PRR27: variants seen among roughly 807,000 people sequenced by gnomAD.
PRR27 encodes the protein proline rich 27, also known as proline-rich protein 27.
In PRR27, 12 loss-of-function variants were observed where a neutral mutation model predicts 16.8. That is an observed-to-expected ratio of 0.71 (90% CI 0.46 to 1.16). The LOEUF (loss-of-function observed/expected upper bound fraction) is 1.16, where lower values mean the gene tolerates loss of function less well. Ranked by LOEUF, PRR27 falls within the 50% of genes most tolerant of loss-of-function variation. The pLI, the probability that PRR27 is intolerant of heterozygous loss-of-function variation, is 0.00. For synonymous variants in PRR27, 100 were observed against 98.4 expected, an observed-to-expected ratio of 1.02 and a Z score of -0.10; for missense variants, 277 against 273.3, an observed-to-expected ratio of 1.01 and a Z score of -0.10.
At chr4:70,160,262 T>C (rs1431688869) in intron 3 of PRR27, among the ~76,000 whole-genome samples, 2 of 152,122 alleles carry the variant, frequency 1.3e-5, no homozygotes, top group Admixed American at 1.3e-4. Flanking sequence ...AATGCTTAGC[T>C]CCCATTTATA....
At position 70,155,910 on chromosome 4, in the gene PRR27, A is replaced by C. The variant is rs1481864384; in HGVS notation, c.52-144A>C. 3 of 581,906 alleles carry C rather than the reference A, an allele frequency of 5.2e-6. No homozygotes were observed. The African/African-American group carries it at 6.0e-5, about 12-fold the overall frequency. The allele number at this position is 581,906 out of a possible 1,614,324, so 36.0% of individuals were successfully genotyped here. Reference sequence around the variant, plus strand: ...AATGATAATGATGACGATGATAAAAAAAAATTCATATTAGTTACTCAAATT... The same window carrying C: ...AATGATAATGATGACGATGATAAAACAAAATTCATATTAGTTACTCAAATT... On this transcript the variant is annotated intron_variant, in intron 1 of 4. Transcript: ENST00000344526.
Position 70,163,178 on chromosome 4 carries a change from C to T in PRR27, c.*517C>T, listed in dbSNP as rs1171784838. On this transcript the variant is annotated 3_prime_UTR_variant, in exon 5 of 5. Coordinates refer to ENST00000344526, the MANE Select transcript of PRR27 (RefSeq NM_214711.4). The stretch of plus-strand genomic sequence containing the variant: ...TTCATTTCTCTTTTATGCCAGCACA[C>T]AATCAATTCATCACCAATTGTCATT... 1 of 152,166 alleles carries T rather than the reference C, an allele frequency of 6.6e-6. No individual in the cohort carries two copies. The highest frequency in any genetic ancestry group is 6.6e-5 in the Admixed American group (1 of 15,266). 9.4% of individuals were successfully genotyped at this position (152,166 alleles called of 1,614,324 possible). A position where few individuals can be genotyped will look rare whatever the true frequency, so the allele number is the denominator to read the frequency against.
rs1728730010 is a variant in PRR27 at position 70,164,800 on chromosome 4, G to A, written c.*2139G>A. On this transcript the variant is annotated 3_prime_UTR_variant, in exon 5 of 5. Transcript: ENST00000344526. Reference sequence around the variant, plus strand: ...TACAAAGTCTTAGCAAATTATAATTGCTAATGGTACATTATGTGGTGTTTA... The same window carrying A: ...TACAAAGTCTTAGCAAATTATAATTACTAATGGTACATTATGTGGTGTTTA... The A allele has an allele frequency of 6.6e-6, 1 of 152,080 alleles. No individual in the cohort carries two copies. Among genetic ancestry groups the A allele is most frequent in the African/African-American group, 2.4e-5 (1 of 41,430 alleles). 9.4% of individuals were successfully genotyped at this position (152,080 alleles called of 1,614,324 possible).
Position 70,156,983 on chromosome 4 carries a change from T to C in PRR27, c.75+906T>C, listed in dbSNP as rs562864584. ...GTATACATGTGCCATGTTGGTGTGCTGCACCCATTAACTCGTCTAATGAGT... is the reference window on the plus strand; with the variant it reads ...GTATACATGTGCCATGTTGGTGTGCCGCACCCATTAACTCGTCTAATGAGT... On this transcript the variant is annotated intron_variant, in intron 2 of 4. Transcript: ENST00000344526. Among the ~76,000 whole-genome samples the C allele has an allele frequency of 6.7e-4, 102 of 152,298 alleles. 1 individual carries two copies. The highest frequency in any genetic ancestry group is 2.3e-3 in the African/African-American group (96 of 41,550).
chr4:70,156,059 G>T lies in PRR27; in HGVS notation c.57G>T (p.Arg19=), dbSNP rs200624625. 1.4e-6 allele frequency: 2 copies of T among 1,434,730 alleles called. No individual in the cohort carries two copies. The highest frequency in any genetic ancestry group is 3.0e-5 in the African/African-American group (2 of 66,506). 88.9% of individuals were successfully genotyped at this position (1,434,730 alleles called of 1,614,324 possible). Residue 19 remains arginine, a synonymous_variant, in exon 2 of 5, where the codon CGG becomes CGT. Transcript: ENST00000344526. Reference sequence around the variant, plus strand: ...TATATTTTTCTTTATTTTAGAGACGGTTCCCCTTCATTGGTGAGGTAAAAC... The same window carrying T: ...TATATTTTTCTTTATTTTAGAGACGTTTCCCCTTCATTGGTGAGGTAAAAC... The part of the protein sequence containing the change: ...IVCVAFARKR[R]FPFIGEDDND...
intron 1 of PRR27, among the ~76,000 whole-genome samples, chr4:70,155,692 T>TGC (rs1172967418): frequency 1.2e-5 from 1 of 85,450 alleles, no homozygotes; most frequent in Non-Finnish European, 3.2e-5. Context: ...AACACACAGA[T>TGC]GCACACACAC....
At chr4:70,162,666 A>G (rs948371841) in intron 4 of PRR27, 29 bp from the exon 5 acceptor site, 2 of 152,204 alleles carry the variant, frequency 1.3e-5, no homozygotes, top group Admixed American at 1.3e-4. Context: ...ATTTTATTAT[A>G]CTGAACCAAT....
Position 70,154,445 on chromosome 4 carries a change from A to G in PRR27, c.51+19A>G. The G allele has an allele frequency of 6.3e-7, 1 of 1,590,422 alleles. No homozygotes were observed. Among genetic ancestry groups the G allele is most frequent in the Non-Finnish European group, 8.6e-7 (1 of 1,158,678 alleles). ...AAGGAAGGTAAGTAAATGGACTTCC[A>G]AAATTGTAACAATTGTATAACCATT... is the stretch of plus-strand genomic sequence containing the variant. On this transcript the variant is annotated intron_variant, in intron 1 of 4. Coordinates refer to ENST00000344526, the MANE Select transcript of PRR27 (RefSeq NM_214711.4).
Position 70,162,910 on chromosome 4 carries a change from A to G in PRR27, c.*249A>G, listed in dbSNP as rs1014448543. 3 of 152,220 alleles carry G rather than the reference A, an allele frequency of 2.0e-5. No individual in the cohort carries two copies. Among genetic ancestry groups the G allele is most frequent in the African/African-American group, 7.2e-5 (3 of 41,456 alleles). 9.4% of individuals were successfully genotyped at this position (152,220 alleles called of 1,614,324 possible). On this transcript the variant is annotated 3_prime_UTR_variant, in exon 5 of 5. Transcript: ENST00000344526. ...ATAAGGTCTGGATGAAAACTACGCT[A>G]TGGAGGACTGAAATGGCAATCATTC...
Position 70,158,647 on chromosome 4 carries a change from A to G in PRR27, c.395A>G (p.Glu132Gly), listed in dbSNP as rs779506091. 1.2e-6 allele frequency: 2 copies of G among 1,613,874 alleles called. No individual in the cohort carries two copies. Among genetic ancestry groups the G allele is most frequent in the South Asian group, 1.1e-5 (1 of 91,072 alleles). The change falls in exon 3 of 5, where the codon GAG becomes GGG. Residue 132 changes from glutamate to glycine, a missense_variant. Transcript: ENST00000344526. ...AAPAAPPIAA[E>G]PAAAAPLTAT... is the part of the protein sequence containing the mutation. ...CCCGCTGCCCCACCTATTGCAGCTG[A>G]GCCTGCTGCAGCTGCACCTCTTACA... is the stretch of plus-strand genomic sequence containing the variant.
chr4:70,158,855 C>A lies in PRR27; in HGVS notation c.603C>A (p.Ala201=), dbSNP rs766695392. The A allele has an allele frequency of 1.9e-6, 3 of 1,613,964 alleles. No homozygotes were observed. Among genetic ancestry groups the A allele is most frequent in the Non-Finnish European group, 2.5e-6 (3 of 1,179,974 alleles). The change falls in exon 3 of 5, where the codon GCC becomes GCA. Residue 201 remains alanine, a synonymous_variant. Transcript: ENST00000344526. Reference sequence around the variant, plus strand: ...CTTCACCAGCTGAGCCTGCTACAGCCAAGCCTGCTGCCCCAGAACCTCACC... The same window carrying A: ...CTTCACCAGCTGAGCCTGCTACAGCAAAGCCTGCTGCCCCAGAACCTCACC... The part of the protein sequence containing the change: ...EEPSPAEPAT[A]KPAAPEPHPS...
At position 70,165,274 on chromosome 4, in the gene PRR27, TAC is replaced by T. The variant is rs1216139609; in HGVS notation, c.*2615_*2616del. On this transcript the variant is annotated 3_prime_UTR_variant, in exon 5 of 5. Coordinates refer to ENST00000344526, the MANE Select transcript of PRR27 (RefSeq NM_214711.4). ...AATTAGTCAAAAATGTTGTTAATTA[TAC>T]ATTTTAAAGACTATTTTTGGTAAGG... 16 of 152,224 alleles carry T rather than the reference TAC, an allele frequency of 1.1e-4. No homozygotes were observed. The highest frequency in any genetic ancestry group is 4.6e-4 in the Admixed American group (7 of 15,282). The allele number at this position is 152,224 out of a possible 1,614,324, so 9.4% of individuals were successfully genotyped here.
In PRR27 at chr4:70,154,688, T is replaced by C. The variant is rs1276453279; in HGVS notation, c.51+262T>C. The C allele has an allele frequency of 1.2e-5, 15 of 1,270,188 alleles. No homozygotes were observed. The Admixed American group carries it at 1.5e-4, about 12-fold the overall frequency. 78.7% of individuals were successfully genotyped at this position (1,270,188 alleles called of 1,614,324 possible). On this transcript the variant is annotated intron_variant, in intron 1 of 4. Coordinates refer to ENST00000344526, the MANE Select transcript of PRR27 (RefSeq NM_214711.4). ...TAGGAGGCTGGAGGAGGAAAAATTA[T>C]AGAAAAGCAGGATCCCACGTAGATT...
intron 2 of PRR27, among the ~76,000 whole-genome samples, 162 bp downstream of exon 2, chr4:70,156,239 A>G (rs1728473336): frequency 6.6e-6 from 1 of 152,222 alleles, no homozygotes; most frequent in Non-Finnish European, 1.5e-5. Flanking sequence ...GAAAATATTT[A>G]TGGAATATGT....
chr4:70,163,417 G>C lies in PRR27; in HGVS notation c.*756G>C, dbSNP rs1212828708. Reference sequence around the variant, plus strand: ...CAACTTCCACCTCCCGGGTTCAAGTGATTCTCCTGCCTCAGCCTCCTGAGT... The same window carrying C: ...CAACTTCCACCTCCCGGGTTCAAGTCATTCTCCTGCCTCAGCCTCCTGAGT... On this transcript the variant is annotated 3_prime_UTR_variant, in exon 5 of 5. Coordinates refer to ENST00000344526, the MANE Select transcript of PRR27 (RefSeq NM_214711.4). The C allele has an allele frequency of 6.6e-6, 1 of 150,732 alleles. No individual in the cohort carries two copies. The highest frequency in any genetic ancestry group is 2.4e-5 in the African/African-American group (1 of 40,892). 9.3% of individuals were successfully genotyped at this position (150,732 alleles called of 1,614,324 possible).
In PRR27 at chr4:70,158,941, G is replaced by T; in HGVS notation, c.648+41G>T. ...CTTACCACTATAATGTATGAGAAAT[G>T]AGATTTGTAGAAGGGGAAAAAAAAA... On this transcript the variant is annotated intron_variant, in intron 3 of 4. Transcript: ENST00000344526. 5.1e-6 allele frequency: 7 copies of T among 1,362,734 alleles called. No individual in the cohort carries two copies. The East Asian group carries it at 1.3e-4, about 25-fold the overall frequency. 84.4% of individuals were successfully genotyped at this position (1,362,734 alleles called of 1,614,324 possible). A position where few individuals can be genotyped will look rare whatever the true frequency, so the allele number is the denominator to read the frequency against.
Position 70,154,446 on chromosome 4 carries a change from A to ATTACTTACAATATAC in PRR27, c.51+20_51+21insTTACTTACAATATAC. 6.3e-7 allele frequency: 1 copy of ATTACTTACAATATAC among 1,581,008 alleles called. No homozygotes were observed. The highest frequency in any genetic ancestry group is 8.7e-7 in the Non-Finnish European group (1 of 1,150,128). On this transcript the variant is annotated intron_variant, in intron 1 of 4. Coordinates refer to ENST00000344526, the MANE Select transcript of PRR27 (RefSeq NM_214711.4). The stretch of plus-strand genomic sequence containing the variant: ...AGGAAGGTAAGTAAATGGACTTCCA[A>ATTACTTACAATATAC]AATTGTAACAATTGTATAACCATTT...
At chr4:70,156,261 A>G (rs1159316156) in intron 2 of PRR27, among the ~76,000 whole-genome samples, 184 bp downstream of exon 2, 1 of 152,200 alleles carries the variant, frequency 6.6e-6, no homozygotes, top group African/African-American at 2.4e-5. Context: ...TGTGTTCAAC[A>G]TATTTAGCAA....
rs765103015 is a variant in PRR27, at chr4:70,165,611, C to T, written c.*2950C>T. On this transcript the variant is annotated 3_prime_UTR_variant, in exon 5 of 5. Transcript: ENST00000344526. ...AGCTTTTTATAGAAAAATGCTACTG[C>T]GAAATTATTTTGAGTCATATCTTTT... The T allele has an allele frequency of 1.8e-4, 27 of 151,940 alleles. No homozygotes were observed. Among genetic ancestry groups the T allele is most frequent in the Non-Finnish European group, 2.5e-4 (17 of 67,928 alleles). 9.4% of individuals were successfully genotyped at this position (151,940 alleles called of 1,614,324 possible). A position where few individuals can be genotyped will look rare whatever the true frequency, so the allele number is the denominator to read the frequency against.
Sources: allele counts gnomAD v4.1 joint callset (sites outside exome capture counted in the v4.1 genomes callset), GRCh38; gene constraint gnomAD v4.1.1; transcripts MANE v1.5; gene names NCBI Gene and HGNC (gene_info 2026-07-23, HGNC 2026-07-21).